The following TENT4A variants were observed in gnomAD, a reference collection of about 807,000 sequenced individuals.
The protein encoded by TENT4A is DNA polymerase kappa.
TENT4A carries 7 observed loss-of-function variants against 72.8 expected under a neutral mutation model. The ratio of observed to expected loss-of-function variants is 0.10; its 90% confidence interval spans 0.05 to 0.18. TENT4A has a LOEUF of 0.18. TENT4A is among the 10% of genes least tolerant of loss of function. The pLI, the probability that TENT4A is intolerant of heterozygous loss-of-function variation, is 1.00. For missense variants in TENT4A, 831 were observed against 1,017.7 expected (o/e 0.82, Z 2.50); for synonymous variants, 456 against 434.3 (o/e 1.05, Z -0.62).
At chr5:6,735,794 T>C (rs1210643394) in intron 1 of TENT4A, among the ~76,000 whole-genome samples, 1 of 150,956 alleles carries the variant, frequency 6.6e-6, no homozygotes, top group Non-Finnish European at 1.5e-5. Context: ...AGAGTCTTGC[T>C]CTGTCGCCCA....
At chr5:6,745,866 C>G in intron 6 of TENT4A, 1 of 384,586 alleles carries the variant, frequency 2.6e-6, no homozygotes, top group Non-Finnish European at 4.4e-6. Flanking sequence ...TGACGAGAAT[C>G]TGAAATTACA....
chr5:6,718,568 T>TATA (rs1740498262), intron 1 of TENT4A, among the ~76,000 whole-genome samples: 1 of 152,176 alleles, frequency 6.6e-6, no homozygotes, highest in African/African-American at 2.4e-5. Flanking sequence ...GTCCCAGAGG[T>TATA]ATAAGCTTGT....
At chr5:6,749,135 CT>C (rs1171279683) in intron 8 of TENT4A, among the ~76,000 whole-genome samples, 19 of 152,156 alleles carry the variant, frequency 1.2e-4, no homozygotes, top group African/African-American at 4.3e-4. Flanking sequence ...TCAGCAGCCG[CT>C]GCAGGTGCTG....
intron 10 of TENT4A, 63 bp from the exon 11 acceptor site, chr5:6,750,976 A>G (rs779764151): frequency 2.8e-5 from 43 of 1,548,374 alleles, no homozygotes; most frequent in Non-Finnish European, 3.4e-5. Context: ...TCATAGCTTT[A>G]AGGAAGTAGT....
At chr5:6,744,576 A>G (rs962212417) in intron 6 of TENT4A, among the ~76,000 whole-genome samples, 6 of 152,212 alleles carry the variant, frequency 3.9e-5, no homozygotes, top group East Asian at 3.9e-4. Context: ...GAATCTGTCC[A>G]TGATTTGGTA....
intron 12 of TENT4A, 98 bp downstream of exon 12, chr5:6,753,135 C>T: frequency 8.2e-7 from 1 of 1,221,666 alleles, no homozygotes; most frequent in Non-Finnish European, 1.1e-6. Context: ...CCAGAGAGAT[C>T]ATTTGAAAAC....
intron 1 of TENT4A, among the ~76,000 whole-genome samples, chr5:6,725,605 C>T (rs1740878641): frequency 6.6e-6 from 1 of 152,212 alleles, no homozygotes; most frequent in Admixed American, 6.5e-5. Flanking sequence ...TGCTTCAAAG[C>T]TAGAGGTTGT....
intron 1 of TENT4A, among the ~76,000 whole-genome samples, chr5:6,730,260 C>T (rs1741143104): frequency 6.6e-6 from 1 of 152,058 alleles, no homozygotes; most frequent in Non-Finnish European, 1.5e-5. Flanking sequence ...ATCACCTGCT[C>T]CAGGATCCTA....
intron 1 of TENT4A, among the ~76,000 whole-genome samples, chr5:6,723,986 G>C (rs1347254589): frequency 6.6e-6 from 1 of 152,228 alleles, no homozygotes; most frequent in Non-Finnish European, 1.5e-5. Flanking sequence ...TCTGACGGCA[G>C]TTGAAAGACA....
chr5:6,743,717 T>C lies in TENT4A; in HGVS notation c.1122T>C (p.Tyr374=), dbSNP rs748504115. Residue 374 remains tyrosine (Y), a synonymous_variant, in exon 6 of 13, where the codon TAT becomes TAC. Coordinates refer to ENST00000230859, the MANE Select transcript of TENT4A (RefSeq NM_006999.6). The part of the protein sequence containing the change: ...AEFIKNYMKK[Y]SLLPYLILVL... ...TTTTCTTTTGGAATTTACAGAAATA[T>C]TCATTGCTGCCTTACTTGATTTTAG... 16 of 1,605,714 alleles carry C rather than the reference T, an allele frequency of 1.0e-5. No individual in the cohort carries two copies. Among genetic ancestry groups the C allele is most frequent in the African/African-American group, 5.4e-5 (4 of 74,660 alleles).
chr5:6,734,938 C>T (rs1303410356), intron 1 of TENT4A, among the ~76,000 whole-genome samples: 2 of 152,252 alleles, frequency 1.3e-5, no homozygotes, highest in South Asian at 2.1e-4. Context: ...TATCTCCGTG[C>T]TCTTCCTTTC....
chr5:6,754,823 G>T lies in TENT4A; in HGVS notation c.2257G>T (p.Gly753Cys). 6.2e-7 allele frequency: 1 copy of T among 1,608,748 alleles called. No homozygotes were observed. The part of the protein sequence containing the change: ...HTQGGGYSSV[G>C]SGGVRPPVGN... The stretch of plus-strand genomic sequence containing the variant: ...CCAAGGCGGCGGCTACAGCTCTGTG[G>T]GTAGCGGAGGTGTGCGGCCCCCTGT... The change falls in exon 13 of 13, where the codon GGT (glycine) becomes TGT (cysteine). Residue 753 changes from glycine (G) to cysteine (C), a missense_variant. Physicochemically the swap from Gly to Cys is radical, Grantham distance 159. Coordinates refer to ENST00000230859, the MANE Select transcript of TENT4A (RefSeq NM_006999.6).
chr5:6,733,775 A>C (rs536177714), intron 1 of TENT4A, among the ~76,000 whole-genome samples: 2 of 152,304 alleles, frequency 1.3e-5, no homozygotes, highest in African/African-American at 2.4e-5. Flanking sequence ...TAAAGGAGGT[A>C]TGTTGTAGTT....
chr5:6,755,034 G>A lies in TENT4A; in HGVS notation c.*89G>A, dbSNP rs902688666. On this transcript the variant is annotated 3_prime_UTR_variant, in exon 13 of 13. Coordinates refer to ENST00000230859, the MANE Select transcript of TENT4A (RefSeq NM_006999.6). Reference sequence around the variant, plus strand: ...GCAGGGGAACCGAGACCAGCACCCCGCACGTCAGCCGGGCTCGCGGCACGC... The same window carrying A: ...GCAGGGGAACCGAGACCAGCACCCCACACGTCAGCCGGGCTCGCGGCACGC... 1.6e-6 allele frequency: 2 copies of A among 1,217,260 alleles called. No homozygotes were observed. The highest frequency in any genetic ancestry group is 5.7e-5 in the Admixed American group (2 of 34,974). 75.4% of individuals were successfully genotyped at this position (1,217,260 alleles called of 1,614,324 possible). A position where few individuals can be genotyped will look rare whatever the true frequency, so the allele number is the denominator to read the frequency against.
At chr5:6,747,806 G>A (rs1742188797) in intron 7 of TENT4A, among the ~76,000 whole-genome samples, 1 of 152,246 alleles carries the variant, frequency 6.6e-6, no homozygotes, top group South Asian at 2.1e-4. Context: ...TGAAGAATGA[G>A]TTGTTTGTAG....
At position 6,725,350 on chromosome 5, in the gene TENT4A, T is replaced by C. The variant is rs118101216; in HGVS notation, c.716+10651T>C. Among the ~76,000 whole-genome samples, 566 of 152,208 alleles carry C rather than the reference T, an allele frequency of 3.7e-3. 20 individuals are homozygous for C. The East Asian group carries it at 0.096, about 26-fold the overall frequency. On this transcript the variant is annotated intron_variant, in intron 1 of 12. Coordinates refer to ENST00000230859, the MANE Select transcript of TENT4A (RefSeq NM_006999.6). Reference sequence around the variant, plus strand: ...AAAGAAAAAAAAAAGAAAACAATTATGCTGAGTTCCAGAGAAGTGATGTCT... The same window carrying C: ...AAAGAAAAAAAAAAGAAAACAATTACGCTGAGTTCCAGAGAAGTGATGTCT...
Position 6,739,829 on chromosome 5 carries a change from A to C in TENT4A, c.985A>C (p.Ile329Leu), listed in dbSNP as rs764621770. 1 of 1,614,170 alleles carries C rather than the reference A, an allele frequency of 6.2e-7. No individual in the cohort carries two copies. The highest frequency in any genetic ancestry group is 1.1e-5 in the South Asian group (1 of 91,084). ...GCACAACGTGGCTGAGCCGTGTTCC[A>C]TCAAAGTCCTTGACAAGGCTACGGT... ...RKHNVAEPCS[I>L]KVLDKATVPI... Residue 329 changes from isoleucine to leucine, a missense_variant, in exon 4 of 13, where the codon ATC (isoleucine) becomes CTC (leucine). Ile to Leu is a conservative substitution (Grantham distance 5, BLOSUM62 2). Transcript: ENST00000230859.
chr5:6,739,194 C>A (rs1032860440), intron 3 of TENT4A, among the ~76,000 whole-genome samples: 4 of 152,208 alleles, frequency 2.6e-5, no homozygotes, highest in African/African-American at 9.7e-5. Context: ...ATTAAGGATT[C>A]TTGATAGCCA....
chr5:6,737,462 GGTGACATTTCATTGTA>G, intron 1 of TENT4A, 32 bp from the exon 2 acceptor site: 1 of 1,519,482 alleles, frequency 6.6e-7, no homozygotes, highest in African/African-American at 1.4e-5. Context: ...CAGAAAATGT[GGTGACATTTCATTGTA>G]ACTCTAGTAT....
Sources: allele counts gnomAD v4.1 joint callset (sites outside exome capture counted in the v4.1 genomes callset), GRCh38; gene constraint gnomAD v4.1.1; transcripts MANE v1.5; gene names NCBI Gene and HGNC (gene_info 2026-07-23, HGNC 2026-07-21).